The following AXL variants were observed in gnomAD, a reference collection of about 807,000 sequenced individuals.
AXL encodes the protein tyrosine-protein kinase receptor UFO.
AXL carries 52 observed loss-of-function variants against 104.5 expected under a neutral mutation model. The observed-to-expected ratio is 0.50, with a 90% CI of 0.40 to 0.63. The LOEUF is 0.63. Among genes scored for constraint, AXL ranks in the 20% least tolerant of loss-of-function variants. The probability of loss-of-function intolerance (pLI) is 0.00; values close to 1 mark genes in which losing one functional copy is unlikely to be tolerated. For missense variants in AXL, 1,024 were observed against 1,188.5 expected, an observed-to-expected ratio of 0.86 and a Z score of 2.04; for synonymous variants, 455 against 473.7, an observed-to-expected ratio of 0.96 and a Z score of 0.51.
At chr19:41,244,582 T>C (rs143060504) in intron 12 of AXL, among the ~76,000 whole-genome samples, 4,758 of 151,862 alleles carry the variant, frequency 0.031, 259 homozygotes, top group African/African-American at 0.11. Context: ...CAGGTTCAAG[T>C]GATTCTTATG....
chr19:41,257,175 C>CTGGGATTA (rs1394283173), intron 18 of AXL, among the ~76,000 whole-genome samples: 2 of 152,030 alleles, frequency 1.3e-5, no homozygotes, highest in Non-Finnish European at 2.9e-5. Context: ...TCCCGAGTAG[C>CTGGGATTA]TGGGATTACA....
chr19:41,234,143 T>C (rs1015809266), intron 6 of AXL, among the ~76,000 whole-genome samples: 89 of 152,194 alleles, frequency 5.8e-4, no homozygotes, highest in African/African-American at 2.1e-3. Flanking sequence ...CATGGTGGTG[T>C]CATCTCCCTC....
intron 4 of AXL, among the ~76,000 whole-genome samples, chr19:41,222,505 C>G (rs530548225): frequency 6.6e-6 from 1 of 152,198 alleles, no homozygotes; most frequent in Non-Finnish European, 1.5e-5. Flanking sequence ...CCTCCACAAC[C>G]GGCCCACCTC....
chr19:41,231,567 T>G (rs1235081258), intron 6 of AXL, among the ~76,000 whole-genome samples: 1 of 152,158 alleles, frequency 6.6e-6, no homozygotes, highest in African/African-American at 2.4e-5. Context: ...GTATGCTTAG[T>G]GTGAAAATTC....
chr19:41,222,830 C>G (rs967341030), intron 4 of AXL, among the ~76,000 whole-genome samples: 1 of 148,946 alleles, frequency 6.7e-6, no homozygotes, highest in Non-Finnish European at 1.5e-5. Context: ...GGCAGGAACC[C>G]GAGAGGCGGA....
intron 1 of AXL, among the ~76,000 whole-genome samples, chr19:41,219,744 G>T (rs1375133397): frequency 2.0e-5 from 3 of 151,096 alleles, no homozygotes; most frequent in Non-Finnish European, 3.0e-5. Flanking sequence ...GAAGCTGAGG[G>T]CAGGGGTGGG....
At position 41,243,001 on chromosome 19, in the gene AXL, G is replaced by A. The variant is rs2122247526; in HGVS notation, c.1431G>A (p.Lys477=). ...LALFLVHRRK[K]ETRYGEVFEP... ...TCTTCCTTGTCCACCGGCGAAAGAA[G>A]GAGACCCGTTATGGGTGAGTTGGAA... is the stretch of plus-strand genomic sequence containing the variant. Residue 477 remains lysine, a synonymous_variant, in exon 11 of 20, where the codon AAG becomes AAA. Coordinates refer to ENST00000301178, the MANE Select transcript of AXL (RefSeq NM_021913.5). 6.2e-7 allele frequency: 1 copy of A among 1,614,210 alleles called. No homozygotes were observed. Among genetic ancestry groups the A allele is most frequent in the African/African-American group, 1.3e-5 (1 of 75,058 alleles).
intron 4 of AXL, 55 bp downstream of exon 4, chr19:41,222,111 C>G: frequency 1.4e-6 from 2 of 1,445,226 alleles, no homozygotes; most frequent in Non-Finnish European, 1.8e-6. Flanking sequence ...GGGCTGAAGT[C>G]AGGAGCAAGG....
intron 12 of AXL, among the ~76,000 whole-genome samples, chr19:41,247,304 G>A (rs1325937861): frequency 1.3e-5 from 2 of 152,048 alleles, no homozygotes; most frequent in African/African-American, 4.8e-5. Flanking sequence ...ACCTGAGGTC[G>A]GGAGTTCCAG....
At chr19:41,225,085 C>A (rs568226494) in intron 4 of AXL, among the ~76,000 whole-genome samples, 10 of 152,336 alleles carry the variant, frequency 6.6e-5, no homozygotes, top group African/African-American at 2.2e-4. Context: ...CTTACTGTAA[C>A]TTCCGCCTCC....
At chr19:41,223,668 G>A (rs2033831161) in intron 4 of AXL, among the ~76,000 whole-genome samples, 1 of 152,162 alleles carries the variant, frequency 6.6e-6, no homozygotes, top group African/African-American at 2.4e-5. Context: ...TGAGTTGCAA[G>A]GAAGACCTGG....
In AXL at chr19:41,232,812, G is replaced by A. The variant is rs147379087; in HGVS notation, c.783+1514G>A. ...AATGACCAATTTCTACTGAGTGTCC[G>A]CTGTGCACCGGGTCTTGCATTAACG... On this transcript the variant is annotated intron_variant, in intron 6 of 19. Coordinates refer to ENST00000301178, the MANE Select transcript of AXL (RefSeq NM_021913.5). Among the ~76,000 whole-genome samples the A allele has an allele frequency of 2.6e-3, 396 of 152,072 alleles. 1 individual carries two copies. The highest frequency in any genetic ancestry group is 9.1e-3 in the African/African-American group (379 of 41,492).
intron 4 of AXL, chr19:41,226,840 A>C: frequency 1.0e-6 from 1 of 976,066 alleles, no homozygotes; most frequent in Non-Finnish European, 1.2e-6. Context: ...TCTGCCTGCG[A>C]TCCAGCACTT....
chr19:41,248,481 C>T (rs1399491505), intron 12 of AXL, 33 bp from the exon 13 acceptor site: 3 of 1,606,382 alleles, frequency 1.9e-6, no homozygotes, highest in Middle Eastern at 1.7e-4. Flanking sequence ...CAGCCCTGCT[C>T]CATGACTCTG....
intron 14 of AXL, among the ~76,000 whole-genome samples, chr19:41,250,079 C>G (rs1377863303): frequency 1.3e-5 from 2 of 152,194 alleles, no homozygotes; most frequent in African/African-American, 4.8e-5. Flanking sequence ...CTCTGAGCCT[C>G]CCACCTGTCA....
intron 19 of AXL, 77 bp from the exon 20 acceptor site, chr19:41,259,475 TA>T: frequency 1.5e-6 from 2 of 1,334,146 alleles, no homozygotes; most frequent in Non-Finnish European, 2.1e-6. Context: ...CTGAGTGTCC[TA>T]AAATGTCCCC....
At chr19:41,220,911 G>A (rs1484460904) in intron 2 of AXL, 53 bp downstream of exon 2, 4 of 1,587,754 alleles carry the variant, frequency 2.5e-6, no homozygotes, top group African/African-American at 2.7e-5. Context: ...ACAGAGGGCA[G>A]AAAGCCCACC....
At chr19:41,251,893 C>T (rs1363597523) in intron 14 of AXL, among the ~76,000 whole-genome samples, 3 of 151,668 alleles carry the variant, frequency 2.0e-5, no homozygotes, top group East Asian at 3.9e-4. Flanking sequence ...GCGGGCAGAT[C>T]GTGAGGTCAG....
chr19:41,252,383 T>C lies in AXL; in HGVS notation c.1744T>C (p.Phe582Leu). ...AICTRSELED[F>L]LSEAVCMKEF... is the part of the protein sequence containing the mutation. ...CTGCACGAGGTCAGAGCTGGAGGAT[T>C]TCCTGAGTGAAGCGGTCTGCATGAA... is the stretch of plus-strand genomic sequence containing the variant. The change falls in exon 15 of 20, where the codon TTC becomes CTC. Residue 582 changes from phenylalanine to leucine, a missense_variant. Phe to Leu is a conservative substitution (Grantham distance 22, BLOSUM62 0). Coordinates refer to ENST00000301178, the MANE Select transcript of AXL (RefSeq NM_021913.5). 6.2e-7 allele frequency: 1 copy of C among 1,613,808 alleles called. No individual in the cohort carries two copies. The highest frequency in any genetic ancestry group is 8.5e-7 in the Non-Finnish European group (1 of 1,179,910).
Sources: gnomAD v4.1 joint callset for allele counts (sites outside exome capture counted in the v4.1 genomes callset) on GRCh38, gnomAD v4.1.1 for gene constraint, MANE v1.5 for transcripts, NCBI Gene and HGNC (gene_info 2026-07-23, HGNC 2026-07-21) for gene names.